Variants in KIF6 observed in about 807,000 individuals in gnomAD.
The protein encoded by KIF6 is kinesin-like protein KIF6.
In KIF6, 106 loss-of-function variants were observed where a neutral mutation model predicts 112.7. The ratio of observed to expected loss-of-function variants is 0.94; its 90% CI spans 0.80 to 1.11. The LOEUF (loss-of-function observed/expected upper bound fraction) is 1.11, where lower values mean the gene tolerates loss of function less well. KIF6 is among the 50% of genes least tolerant of loss of function. The pLI is 0.00. For synonymous variants in KIF6, 339 were observed against 339.9 expected (o/e 1.00, Z 0.03); for missense variants, 929 against 964.0 (o/e 0.96, Z 0.48).
intron 3 of KIF6, among the ~76,000 whole-genome samples, chr6:39,702,921 A>C (rs1788951397): frequency 6.6e-6 from 1 of 152,178 alleles, no homozygotes; most frequent in Non-Finnish European, 1.5e-5. Flanking sequence ...TTGACAGAGC[A>C]TGGGAGTTGG....
chr6:39,522,163 G>A (rs984500596), intron 13 of KIF6, among the ~76,000 whole-genome samples: 1 of 152,248 alleles, frequency 6.6e-6, no homozygotes, highest in African/African-American at 2.4e-5. Flanking sequence ...CCTATCAAGG[G>A]GAGGATGTTT....
chr6:39,390,400 A>G (rs530183410), intron 15 of KIF6, among the ~76,000 whole-genome samples: 1 of 152,340 alleles, frequency 6.6e-6, no homozygotes, highest in Admixed American at 6.5e-5. Context: ...TGGGAAAGGC[A>G]TAATTACTAC....
intron 16 of KIF6, among the ~76,000 whole-genome samples, chr6:39,363,154 A>T (rs754041130): frequency 5.9e-5 from 9 of 152,192 alleles, no homozygotes; most frequent in African/African-American, 2.4e-5. Context: ...CATCTCAAAC[A>T]AACAAACAAA....
At chr6:39,377,696 T>C (rs1473922839) in intron 16 of KIF6, among the ~76,000 whole-genome samples, 1 of 152,170 alleles carries the variant, frequency 6.6e-6, no homozygotes, top group Non-Finnish European at 1.5e-5. Flanking sequence ...AGGACTAAAC[T>C]AGAACAACGC....
chr6:39,611,587 G>A (rs952246819), intron 6 of KIF6, among the ~76,000 whole-genome samples: 5 of 152,142 alleles, frequency 3.3e-5, no homozygotes, highest in African/African-American at 7.2e-5. Context: ...GGGATGGATC[G>A]CCTCCGAAAG....
At chr6:39,540,828 C>T (rs187594753) in intron 12 of KIF6, among the ~76,000 whole-genome samples, 13 of 152,308 alleles carry the variant, frequency 8.5e-5, no homozygotes, top group Non-Finnish European at 1.8e-4. Flanking sequence ...AGAAAAGAAG[C>T]GAATTGTTAG....
chr6:39,670,415 A>G (rs1786742283), intron 3 of KIF6, among the ~76,000 whole-genome samples: 1 of 152,176 alleles, frequency 6.6e-6, no homozygotes, highest in Admixed American at 6.5e-5. Flanking sequence ...ATTTCCACAA[A>G]TTTTGTACCA....
chr6:39,666,465 G>A (rs1786466705), intron 3 of KIF6, among the ~76,000 whole-genome samples: 1 of 152,170 alleles, frequency 6.6e-6, no homozygotes, highest in Admixed American at 6.5e-5. Context: ...AGCTTTGAAA[G>A]TGCCAACCAT....
intron 19 of KIF6, among the ~76,000 whole-genome samples, chr6:39,346,902 G>A (rs1247983006): frequency 6.6e-6 from 1 of 152,162 alleles, no homozygotes; most frequent in Admixed American, 6.5e-5. Context: ...ACCCACCTTG[G>A]CCTCCCAAAG....
At position 39,508,200 on chromosome 6, in the gene KIF6, A is replaced by T. The variant is rs140536396; in HGVS notation, c.1645+31803T>A. The stretch of plus-strand genomic sequence containing the variant: ...AGGTATCACCCACAAAGATTCTAAC[A>T]GGGGAGTTCTACGTGCATTAAAATT... On this transcript the variant is annotated intron_variant, in intron 13 of 22. Transcript: ENST00000287152. Among the ~76,000 whole-genome samples the T allele has an allele frequency of 3.7e-4, 56 of 151,928 alleles. No homozygotes were observed. In the East Asian group the frequency reaches 5.1e-3, roughly 14 times the overall value.
In KIF6 at chr6:39,568,800, G is replaced by A. The variant is rs4714259; in HGVS notation, c.1181+9256C>T. On this transcript the variant is annotated intron_variant, in intron 10 of 22. Coordinates refer to ENST00000287152, the MANE Select transcript of KIF6 (RefSeq NM_145027.6). ...TCCTGACCTCAGGTGATCCACCTGC[G>A]TCAGCCTCCCAAAGTGCTGGGATTA... Among the ~76,000 whole-genome samples the A allele has an allele frequency of 1.4e-4, 21 of 152,024 alleles. 1 individual carries two copies. In the East Asian group the frequency reaches 3.3e-3, roughly 24 times the overall value.
intron 15 of KIF6, 83 bp from the exon 16 acceptor site, chr6:39,385,755 A>AG: frequency 1.4e-6 from 1 of 706,040 alleles, no homozygotes; most frequent in African/African-American, 2.4e-5. Flanking sequence ...GGCAAGCTAC[A>AG]GAAAAAAAAA....
intron 3 of KIF6, among the ~76,000 whole-genome samples, chr6:39,696,859 T>G (rs953560696): frequency 8.6e-5 from 13 of 151,988 alleles, no homozygotes; most frequent in Admixed American, 2.0e-4. Flanking sequence ...AGCTCTTTTT[T>G]AAATCTAGTA....
At chr6:39,346,343 C>T in intron 20 of KIF6, 133 bp downstream of exon 20, 2 of 703,940 alleles carry the variant, frequency 2.8e-6, no homozygotes, top group Non-Finnish European at 5.2e-6. Flanking sequence ...GTGATTAAGT[C>T]ATGAAGGTAG....
chr6:39,715,646 G>A (rs908701721), intron 2 of KIF6, among the ~76,000 whole-genome samples: 5 of 151,848 alleles, frequency 3.3e-5, no homozygotes, highest in African/African-American at 1.2e-4. Context: ...TGGGATTACA[G>A]GTGCACCATC....
intron 13 of KIF6, among the ~76,000 whole-genome samples, chr6:39,449,877 C>G (rs760099112): frequency 6.6e-6 from 1 of 152,208 alleles, no homozygotes; most frequent in Non-Finnish European, 1.5e-5. Context: ...TTTTAAATAA[C>G]CTTTCTGTTC....
intron 13 of KIF6, among the ~76,000 whole-genome samples, chr6:39,495,633 G>T (rs190623182): frequency 3.0e-4 from 46 of 152,344 alleles, no homozygotes; most frequent in South Asian, 8.3e-4. Context: ...CCTGAAAAAT[G>T]ATGGATTAAA....
intron 3 of KIF6, among the ~76,000 whole-genome samples, chr6:39,694,015 T>C (rs988000315): frequency 7.2e-5 from 11 of 151,756 alleles, no homozygotes; most frequent in Non-Finnish European, 1.3e-4. Context: ...TGATTCAACA[T>C]ACACAAATCA....
intron 15 of KIF6, among the ~76,000 whole-genome samples, chr6:39,400,713 C>T (rs184057575): frequency 1.6e-3 from 244 of 152,298 alleles, no homozygotes; most frequent in Non-Finnish European, 2.5e-3. Flanking sequence ...GATTTTGACT[C>T]TGGCCTGTCA....
Sources: allele counts gnomAD v4.1 joint callset (sites outside exome capture counted in the v4.1 genomes callset), GRCh38; gene constraint gnomAD v4.1.1; transcripts MANE v1.5; gene names NCBI Gene and HGNC (gene_info 2026-07-23, HGNC 2026-07-21).